Variants in RANBP2 observed in about 807,000 individuals in gnomAD.
RANBP2 encodes E3 SUMO-protein ligase RanBP2.
Under a neutral mutation model 303.6 loss-of-function variants are expected in RANBP2, and 57 were observed. The ratio of observed to expected loss-of-function variants is 0.19; its 90% CI spans 0.15 to 0.23. The LOEUF (loss-of-function observed/expected upper bound fraction) is 0.23, where lower values mean the gene tolerates loss of function less well. RANBP2 is among the 10% of genes least tolerant of loss of function. The probability of loss-of-function intolerance (pLI) is 1.00; values close to 1 mark genes in which losing one functional copy is unlikely to be tolerated. For synonymous variants in RANBP2, 1,167 were observed against 1,301.5 expected, an observed-to-expected ratio of 0.90 and a Z score of 2.23; for missense variants, 3,138 against 3,780.8, an observed-to-expected ratio of 0.83 and a Z score of 4.46.
the RANBP2 span, among the ~76,000 whole-genome samples, chr2:108,942,770 G>T: frequency 2.0e-5 from 3 of 152,264 alleles, no homozygotes; most frequent in Non-Finnish European, 2.9e-5. Context: ...TCTCACGAAG[G>T]TTCGTGCCCT....
At chr2:109,545,964 C>A in the RANBP2 span, 1 of 1,486,852 alleles carries the variant, frequency 6.7e-7, no homozygotes, top group South Asian at 1.4e-5. Flanking sequence ...CATAAGGAAG[C>A]AGAAGTAAGA....
chr2:109,031,234 A>T, the RANBP2 span, among the ~76,000 whole-genome samples: 1 of 152,150 alleles, frequency 6.6e-6, no homozygotes, highest in Non-Finnish European at 1.5e-5. Flanking sequence ...TCAAGGTGTC[A>T]GCAGTGAGGG....
chr2:109,012,409 C>T, the RANBP2 span, among the ~76,000 whole-genome samples: 2 of 152,134 alleles, frequency 1.3e-5, no homozygotes, highest in African/African-American at 2.4e-5. Flanking sequence ...GTCTTGAGAG[C>T]CCCCACAGAA....
At chr2:109,217,314 GGTT>G in the RANBP2 span, among the ~76,000 whole-genome samples, 1 of 152,298 alleles carries the variant, frequency 6.6e-6, no homozygotes, top group Non-Finnish European at 1.5e-5. Flanking sequence ...GGAGAACCTT[GGTT>G]GTTCTCTTTG....
the RANBP2 span, among the ~76,000 whole-genome samples, chr2:109,084,518 G>A: frequency 2.6e-5 from 4 of 152,192 alleles, no homozygotes; most frequent in Non-Finnish European, 5.9e-5. Context: ...CTCTACAACA[G>A]GAGCTGGCCC....
chr2:108,786,786 G>A, downstream of RANBP2: 1 of 1,545,954 alleles, frequency 6.5e-7, no homozygotes, highest in Non-Finnish European at 8.8e-7. Flanking sequence ...TTTGATGAAC[G>A]CGGTTCCCGG....
At chr2:109,717,828 C>G in the RANBP2 span, among the ~76,000 whole-genome samples, 2 of 151,872 alleles carry the variant, frequency 1.3e-5, no homozygotes, top group East Asian at 3.9e-4. Context: ...GCAGGAGAAT[C>G]GCTTGAACCC....
the RANBP2 span, among the ~76,000 whole-genome samples, chr2:109,383,190 A>G: frequency 6.6e-6 from 1 of 152,216 alleles, no homozygotes; most frequent in Non-Finnish European, 1.5e-5. Flanking sequence ...GAGATTTGGC[A>G]CTGGGTGCCT....
chr2:108,907,777 C>G, the RANBP2 span: 29 of 1,524,014 alleles, frequency 1.9e-5, no homozygotes, highest in Non-Finnish European at 2.5e-5. Context: ...TGCAGGAGAG[C>G]TGATTCAATA....
the RANBP2 span, among the ~76,000 whole-genome samples, chr2:109,121,344 A>C: frequency 1.3e-5 from 2 of 152,370 alleles, no homozygotes; most frequent in Admixed American, 6.5e-5. Flanking sequence ...GAAAATTAAA[A>C]AACAAAGTCT....
the RANBP2 span, among the ~76,000 whole-genome samples, chr2:109,456,140 C>T: frequency 1.3e-5 from 2 of 152,354 alleles, no homozygotes; most frequent in East Asian, 1.9e-4. Context: ...ACTGAAGAGT[C>T]TCATGGTCAG....
chr2:108,818,525 G>A, the RANBP2 span, among the ~76,000 whole-genome samples: 1 of 151,988 alleles, frequency 6.6e-6, no homozygotes, highest in East Asian at 1.9e-4. Flanking sequence ...TAATAATAAA[G>A]GTAGAACAAT....
the RANBP2 span, among the ~76,000 whole-genome samples, chr2:109,628,513 A>C: frequency 7.1e-6 from 1 of 140,426 alleles, no homozygotes; most frequent in East Asian, 2.0e-4. Flanking sequence ...TAAATAAATA[A>C]ATAAATAAAT....
At chr2:109,512,935 G>A in the RANBP2 span, among the ~76,000 whole-genome samples, 1 of 152,218 alleles carries the variant, frequency 6.6e-6, no homozygotes, top group Non-Finnish European at 1.5e-5. Context: ...TTGCACGTGG[G>A]TGGCCTGGCA....
the RANBP2 span, among the ~76,000 whole-genome samples, chr2:109,604,383 A>AAGGGAAGGGGAGGGGAGGGG: frequency 1.6e-5 from 1 of 64,368 alleles, no homozygotes; most frequent in Non-Finnish European, 2.7e-5. Flanking sequence ...AAGGGAAGGG[A>AAGGGAAGGGGAGGGGAGGGG]AGGGGAGGGG....
At chr2:109,415,080 G>A in the RANBP2 span, among the ~76,000 whole-genome samples, 1 of 152,208 alleles carries the variant, frequency 6.6e-6, no homozygotes, top group Non-Finnish European at 1.5e-5. Flanking sequence ...GGAAGACGTG[G>A]CACTGCTTGC....
chr2:109,288,496 C>G, the RANBP2 span, among the ~76,000 whole-genome samples: 2 of 152,096 alleles, frequency 1.3e-5, no homozygotes. Context: ...TTATTTCCTC[C>G]CAAAATAGAG....
At chr2:109,471,144 C>T in the RANBP2 span, among the ~76,000 whole-genome samples, 2 of 134,068 alleles carry the variant, frequency 1.5e-5, no homozygotes, top group African/African-American at 5.8e-5. Flanking sequence ...ACCCAGGGGG[C>T]AGAGTTTGCA....
At chr2:109,549,112 T>C in the RANBP2 span, among the ~76,000 whole-genome samples, 45 of 152,296 alleles carry the variant, frequency 3.0e-4, 1 homozygote, top group South Asian at 9.1e-3. Context: ...TATGTGTGTG[T>C]GTTTAAAGGG....
Sources: allele counts gnomAD v4.1 joint callset (sites outside exome capture counted in the v4.1 genomes callset), GRCh38; gene constraint gnomAD v4.1.1; transcripts MANE v1.5; gene names NCBI Gene and HGNC (gene_info 2026-07-23, HGNC 2026-07-21).